The following CES5A variants were observed in gnomAD, a reference collection of about 807,000 sequenced individuals.
The protein encoded by CES5A is carboxylesterase 5A.
Under a neutral mutation model 62.9 loss-of-function variants are expected in CES5A, and 67 were observed. That is an observed-to-expected ratio of 1.07 (90% CI 0.88 to 1.31). CES5A has a LOEUF of 1.31. Among genes scored for constraint, CES5A ranks in the 50% most tolerant of loss-of-function variants. The pLI is 0.00. For synonymous variants in CES5A, 296 were observed against 280.8 expected (o/e 1.05, Z -0.54); for missense variants, 748 against 708.5 (o/e 1.06, Z -0.63).
chr16:55,854,116 C>T (rs1269383167), intron 9 of CES5A, among the ~76,000 whole-genome samples: 3 of 152,142 alleles, frequency 2.0e-5, no homozygotes, highest in African/African-American at 7.2e-5. Flanking sequence ...GGTATAGATG[C>T]TATGTGGAGT....
At chr16:55,894,552 A>G (rs1219289075) in intron 1 of CES5A, among the ~76,000 whole-genome samples, 1 of 151,526 alleles carries the variant, frequency 6.6e-6, no homozygotes. Context: ...TGATGTTTTT[A>G]GAGGATGTGG....
At chr16:55,912,611 A>G (rs1414990110) in intron 1 of CES5A, among the ~76,000 whole-genome samples, 3 of 151,914 alleles carry the variant, frequency 2.0e-5, no homozygotes, top group Non-Finnish European at 2.9e-5. Context: ...AGGAGGAGGA[A>G]GAGGAGGAAG....
At position 55,853,007 on chromosome 16, in the gene CES5A, G is replaced by T; in HGVS notation, c.1147C>A (p.His383Asn). Residue 383 changes from histidine to asparagine, a missense_variant, in exon 10 of 13, where the codon CAC becomes AAC. Coordinates refer to ENST00000290567, the MANE Select transcript of CES5A (RefSeq NM_001143685.2). ...NILHIPPQYLHLVANEYFHDK... is the reference protein window; with the variant it reads ...NILHIPPQYLNLVANEYFHDK... ...TGGAAGTATTCATTAGCCACAAGGT[G>T]CAAATACTGAGGCGGGATGTGCTGT... 5 of 1,614,150 alleles carry T rather than the reference G, an allele frequency of 3.1e-6. No individual in the cohort carries two copies. The highest frequency in any genetic ancestry group is 3.4e-6 in the Non-Finnish European group (4 of 1,180,026).
chr16:55,932,556 T>C (rs2034325799), intron 2 of CES5A, among the ~76,000 whole-genome samples: 1 of 82,432 alleles, frequency 1.2e-5, no homozygotes, highest in Admixed American at 2.0e-4. Flanking sequence ...TGACAGAAAA[T>C]AATGGGGGGG....
chr16:55,902,855 G>A (rs560435245), intron 1 of CES5A, among the ~76,000 whole-genome samples: 95 of 152,310 alleles, frequency 6.2e-4, no homozygotes, highest in African/African-American at 2.2e-3. Context: ...AGGATGTGGG[G>A]TAGTGAAGCT....
chr16:55,904,948 G>A (rs981585809), intron 1 of CES5A, among the ~76,000 whole-genome samples: 7 of 152,250 alleles, frequency 4.6e-5, no homozygotes, highest in Admixed American at 6.5e-5. Context: ...AACTCCTAGT[G>A]CTATGTCTCA....
chr16:55,864,836 G>A (rs1408818261), intron 5 of CES5A, among the ~76,000 whole-genome samples: 3 of 151,838 alleles, frequency 2.0e-5, no homozygotes, highest in Non-Finnish European at 2.9e-5. Flanking sequence ...CTATGACCAG[G>A]AGTTTGGGCT....
intron 1 of CES5A, among the ~76,000 whole-genome samples, chr16:55,904,929 T>C (rs2034025121): frequency 6.6e-6 from 1 of 152,202 alleles, no homozygotes; most frequent in Non-Finnish European, 1.5e-5. Flanking sequence ...TGTTCTGTCC[T>C]GGATGCCCAA....
chr16:55,950,908 C>T (rs2034548819), intron 1 of CES5A, among the ~76,000 whole-genome samples: 1 of 151,770 alleles, frequency 6.6e-6, no homozygotes, highest in Non-Finnish European at 1.5e-5. Flanking sequence ...CGAGACCATC[C>T]TGGCTAACAC....
At chr16:55,907,787 A>T (rs79283895) in intron 1 of CES5A, among the ~76,000 whole-genome samples, 5,133 of 152,196 alleles carry the variant, frequency 0.034, 167 homozygotes, top group East Asian at 0.11. Context: ...ACCTGACAGG[A>T]CAAGTCTCCT....
At chr16:55,928,230 G>T (rs912643139), upstream of CES5A, among the ~76,000 whole-genome samples, 1 of 151,766 alleles carries the variant, frequency 6.6e-6, no homozygotes, top group Non-Finnish European at 1.5e-5. Flanking sequence ...GCGACAGAGC[G>T]AGACTCTGTC....
intron 1 of CES5A, among the ~76,000 whole-genome samples, chr16:55,913,526 A>G (rs1245748666): frequency 6.6e-6 from 1 of 152,212 alleles, no homozygotes; most frequent in Non-Finnish European, 1.5e-5. Flanking sequence ...TTTTCGGGAA[A>G]GGGCTATTAT....
chr16:55,863,120 A>T (rs1253919842), intron 6 of CES5A, among the ~76,000 whole-genome samples: 2 of 152,166 alleles, frequency 1.3e-5, no homozygotes, highest in Non-Finnish European at 2.9e-5. Flanking sequence ...AAGAACCATA[A>T]CGCACATACA....
At position 55,933,637 on chromosome 16, in the gene CES5A, TATATGTATATACATATACATGACAC is replaced by T. The variant is rs2034336552; in HGVS notation, c.160+16123_160+16147del. Among the ~76,000 whole-genome samples the T allele has an allele frequency of 2.6e-5, 4 of 152,184 alleles. No individual in the cohort carries two copies. The South Asian group carries it at 6.2e-4, about 24-fold the overall frequency. On this transcript the variant is annotated intron_variant, in intron 2 of 13. Coordinates refer to the CES5A transcript ENST00000521992. The stretch of plus-strand genomic sequence containing the variant: ...TGAATTATCTCACTAAAGCTGTTAC[TATATGTATATACATATACATGACAC>T]ATATGTATATACATATATACACATA...
Position 55,866,095 on chromosome 16 carries a change from C to T in CES5A, c.573G>A (p.Pro191=), listed in dbSNP as rs188009043. The T allele has an allele frequency of 6.5e-4, 1,045 of 1,613,498 alleles. 16 individuals are homozygous for T. The South Asian group carries it at 8.3e-3, about 13-fold the overall frequency. ...GFFTTWDQHA[P]GNWAFKDQVA... is the part of the protein sequence containing the mutation. ...CCTGGTCCTTGAAGGCCCAGTTCCC[C>T]GGAGCATGCTGATCCCATGTGCTGA... The change falls in exon 5 of 13, where the codon CCG becomes CCA. Residue 191 remains proline, a synonymous_variant. Coordinates refer to ENST00000290567, the MANE Select transcript of CES5A (RefSeq NM_001143685.2).
At chr16:55,854,865 T>G (rs1252807950) in intron 9 of CES5A, among the ~76,000 whole-genome samples, 1 of 152,012 alleles carries the variant, frequency 6.6e-6, no homozygotes, top group Non-Finnish European at 1.5e-5. Context: ...AAATCAAATG[T>G]CCTTCTTCCT....
chr16:55,931,197 C>G (rs1338377487), intron 2 of CES5A, among the ~76,000 whole-genome samples: 1 of 152,204 alleles, frequency 6.6e-6, no homozygotes, highest in Non-Finnish European at 1.5e-5. Context: ...CTTCCAATGT[C>G]CAAACTTCTC....
At chr16:55,865,878 G>C in intron 5 of CES5A, 85 bp downstream of exon 5, 4 of 1,448,626 alleles carry the variant, frequency 2.8e-6, no homozygotes, top group Non-Finnish European at 3.9e-6. Context: ...CAACATGAAG[G>C]CAACAATCAA....
chr16:55,854,376 C>T (rs1344599377), intron 9 of CES5A, among the ~76,000 whole-genome samples: 2 of 151,886 alleles, frequency 1.3e-5, no homozygotes, highest in African/African-American at 2.4e-5. Flanking sequence ...AGCATCTTCT[C>T]CATGAGGCCA....
Sources: gnomAD v4.1 joint callset for allele counts (sites outside exome capture counted in the v4.1 genomes callset) on GRCh38, gnomAD v4.1.1 for gene constraint, MANE v1.5 for transcripts, NCBI Gene and HGNC (gene_info 2026-07-23, HGNC 2026-07-21) for gene names.